Variants in TLE4 observed in about 807,000 individuals in gnomAD.
The protein encoded by TLE4 is transducin-like enhancer protein 4.
In TLE4, 8 loss-of-function variants were observed where a neutral mutation model predicts 92.8. The observed-to-expected ratio is 0.09, with a 90% CI of 0.05 to 0.16. TLE4 has a LOEUF of 0.16. Among genes scored for constraint, TLE4 ranks in the 10% least tolerant of loss-of-function variants. TLE4 has a pLI of 1.00. For synonymous variants in TLE4, 371 were observed against 374.1 expected (o/e 0.99, Z 0.10); for missense variants, 675 against 997.6 (o/e 0.68, Z 4.36).
chr9:79,618,789 C>T (rs186748157), intron 5 of TLE4, among the ~76,000 whole-genome samples: 5 of 152,074 alleles, frequency 3.3e-5, no homozygotes, highest in Non-Finnish European at 5.9e-5. Flanking sequence ...TGCACATGAA[C>T]GGAGCTGTTT....
intron 8 of TLE4, among the ~76,000 whole-genome samples, chr9:79,664,044 C>A (rs1391326563): frequency 6.6e-6 from 1 of 152,186 alleles, no homozygotes; most frequent in East Asian, 1.9e-4. Context: ...GTGAATTAAT[C>A]TTTTTTAGTT....
At chr9:79,579,333 G>T (rs2038956721) in intron 4 of TLE4, among the ~76,000 whole-genome samples, 2 of 152,212 alleles carry the variant, frequency 1.3e-5, no homozygotes, top group Non-Finnish European at 2.9e-5. Flanking sequence ...TCTTTCACCT[G>T]TAATGCTGTC....
intron 5 of TLE4, among the ~76,000 whole-genome samples, chr9:79,626,072 T>C (rs1304257081): frequency 6.6e-6 from 1 of 152,108 alleles, no homozygotes; most frequent in Non-Finnish European, 1.5e-5. Context: ...AGACACAAAA[T>C]ACACATTTCT....
chr9:79,597,737 C>T (rs1041579762), intron 4 of TLE4, among the ~76,000 whole-genome samples: 7 of 152,166 alleles, frequency 4.6e-5, no homozygotes, highest in Non-Finnish European at 8.8e-5. Flanking sequence ...GTATCAACTC[C>T]CAGTTACTCT....
intron 8 of TLE4, among the ~76,000 whole-genome samples, chr9:79,690,179 A>G (rs935450328): frequency 2.6e-5 from 4 of 152,100 alleles, no homozygotes; most frequent in African/African-American, 9.7e-5. Flanking sequence ...CCTCACATGC[A>G]CATGCTTGAA....
chr9:79,632,710 C>G (rs1165937299), intron 6 of TLE4, among the ~76,000 whole-genome samples: 1 of 152,150 alleles, frequency 6.6e-6, no homozygotes, highest in Non-Finnish European at 1.5e-5. Context: ...CTTCTTGCAG[C>G]TGATTACTAT....
intron 14 of TLE4, among the ~76,000 whole-genome samples, chr9:79,718,448 T>C (rs2074998290): frequency 6.6e-6 from 1 of 152,190 alleles, no homozygotes; most frequent in Non-Finnish European, 1.5e-5. Context: ...TTCTCTTCAT[T>C]TTAGAGACTA....
At chr9:79,698,931 T>G (rs1257576845) in intron 8 of TLE4, among the ~76,000 whole-genome samples, 1 of 150,998 alleles carries the variant, frequency 6.6e-6, no homozygotes, top group Non-Finnish European at 1.5e-5. Context: ...AATAATATGT[T>G]AAAATGTTTT....
At chr9:79,704,197 T>C (rs1158396733) in intron 8 of TLE4, among the ~76,000 whole-genome samples, 2 of 152,124 alleles carry the variant, frequency 1.3e-5, no homozygotes, top group Non-Finnish European at 2.9e-5. Flanking sequence ...CACTGCAGCA[T>C]CTGCCTCCCG....
At position 79,574,792 on chromosome 9, in the gene TLE4, G is replaced by A. The variant is rs2037187670; in HGVS notation, c.144-81G>A. 8 of 1,168,746 alleles carry A rather than the reference G, an allele frequency of 6.8e-6. 1 individual carries two copies. In the South Asian group the frequency reaches 1.0e-4, roughly 15 times the overall value. The allele number at this position is 1,168,746 out of a possible 1,614,324, so 72.4% of individuals were successfully genotyped here. On this transcript the variant is annotated intron_variant, in intron 2 of 19. Transcript: ENST00000376552. ...AGATTGTTGATTTAGTTGTTTGTAG[G>A]TGAGATTTAGAATATGCGTTTAAGA...
intron 8 of TLE4, chr9:79,663,527 G>T (rs191290013): frequency 1.0e-4 from 16 of 152,392 alleles, no homozygotes; most frequent in Non-Finnish European, 1.9e-4. Flanking sequence ...GAGGCTTGCT[G>T]GTTCTGACAT....
chr9:79,708,690 C>G lies in TLE4; in HGVS notation c.1167C>G (p.Pro389=). The G allele has an allele frequency of 6.2e-7, 1 of 1,613,810 alleles. No individual in the cohort carries two copies. ...HAGMNGELTS[P]GAAYAGLHNI... ...GAATGAACGGAGAGCTGACCAGCCC[C>G]GGAGCGGCCTACGCTGGGCTCCACA... The change falls in exon 13 of 20, where the codon CCC becomes CCG. Residue 389 remains proline, a synonymous_variant. Transcript: ENST00000376552.
chr9:79,666,025 A>G (rs1274033664), intron 8 of TLE4, among the ~76,000 whole-genome samples: 4 of 152,154 alleles, frequency 2.6e-5, no homozygotes, highest in South Asian at 2.1e-4. Flanking sequence ...ACAATTTTTT[A>G]TGCCAAGAAC....
intron 6 of TLE4, among the ~76,000 whole-genome samples, chr9:79,631,616 A>G (rs962276987): frequency 5.8e-4 from 68 of 118,234 alleles, no homozygotes; most frequent in Admixed American, 2.2e-3. Flanking sequence ...TGAACCTTAA[A>G]TGTGTGTGTG....
chr9:79,619,842 A>G (rs1168605160), intron 5 of TLE4, among the ~76,000 whole-genome samples: 2 of 152,190 alleles, frequency 1.3e-5, no homozygotes, highest in Non-Finnish European at 2.9e-5. Context: ...GGCATGGGTA[A>G]CTTTTCATTT....
At chr9:79,712,618 A>G (rs2073601552) in intron 14 of TLE4, among the ~76,000 whole-genome samples, 1 of 152,266 alleles carries the variant, frequency 6.6e-6, no homozygotes, top group Admixed American at 6.5e-5. Flanking sequence ...ATGATCAGAA[A>G]TTATAATTAA....
chr9:79,636,218 A>G (rs1375971283), intron 6 of TLE4, among the ~76,000 whole-genome samples: 2 of 152,198 alleles, frequency 1.3e-5, no homozygotes, highest in South Asian at 4.1e-4. Context: ...CTGAGACGCT[A>G]CTCGGGAGGC....
chr9:79,634,010 T>G (rs1334224815), intron 6 of TLE4, among the ~76,000 whole-genome samples: 1 of 152,176 alleles, frequency 6.6e-6, no homozygotes, highest in Non-Finnish European at 1.5e-5. Flanking sequence ...CCAAAATGCA[T>G]GTGTGGTCTT....
rs1195555569 is a variant in TLE4, at chr9:79,619,269, A to G, written c.315+6551A>G. Among the ~76,000 whole-genome samples, 6 of 152,330 alleles carry G rather than the reference A, an allele frequency of 3.9e-5. No homozygotes were observed. The South Asian group carries it at 8.3e-4, about 21-fold the overall frequency. On this transcript the variant is annotated intron_variant, in intron 5 of 19. Coordinates refer to ENST00000376552, the MANE Select transcript of TLE4 (RefSeq NM_007005.6). ...TGGTCCATGTAATTTGATGGAAAAC[A>G]AACCCCTTCTACTACATTGTGATAT...
Sources: allele counts gnomAD v4.1 joint callset (sites outside exome capture counted in the v4.1 genomes callset), GRCh38; gene constraint gnomAD v4.1.1; transcripts MANE v1.5; gene names NCBI Gene and HGNC (gene_info 2026-07-23, HGNC 2026-07-21).